CHN2: variants seen among roughly 807,000 people sequenced by gnomAD.
CHN2 encodes the protein beta-chimaerin.
In CHN2, 35 loss-of-function variants were observed where a neutral mutation model predicts 56.3. The observed-to-expected ratio is 0.62, with a 90% confidence interval of 0.47 to 0.82. CHN2 has a LOEUF of 0.82. Among genes scored for constraint, CHN2 ranks in the 40% least tolerant of loss-of-function variants. The pLI, the probability that CHN2 is intolerant of heterozygous loss-of-function variation, is 0.00. For missense variants in CHN2, 491 were observed against 580.5 expected (o/e 0.85, Z 1.58); for synonymous variants, 210 against 212.8 (o/e 0.99, Z 0.12).
chr7:29,510,363 C>T (rs1038406290), intron 12 of CHN2, among the ~76,000 whole-genome samples: 2 of 151,974 alleles, frequency 1.3e-5, no homozygotes, highest in African/African-American at 2.4e-5. Flanking sequence ...TGCTTGAACC[C>T]GGGAGACGAA....
intron 6 of CHN2, among the ~76,000 whole-genome samples, chr7:29,439,891 GTTA>G (rs1336278968): frequency 3.3e-5 from 5 of 152,160 alleles, no homozygotes; most frequent in Non-Finnish European, 7.3e-5. Flanking sequence ...ACTCTGTGGA[GTTA>G]TTATCTCCAT....
intron 1 of CHN2, among the ~76,000 whole-genome samples, chr7:29,303,811 G>C (rs1453873687): frequency 6.6e-6 from 1 of 152,212 alleles, no homozygotes; most frequent in East Asian, 1.9e-4. Flanking sequence ...TGTAATCCCA[G>C]CACTTTGGAA....
chr7:29,323,916 A>G (rs1213617732), intron 1 of CHN2, among the ~76,000 whole-genome samples: 1 of 152,096 alleles, frequency 6.6e-6, no homozygotes, highest in Non-Finnish European at 1.5e-5. Flanking sequence ...AGGCAGGAGA[A>G]TGGCGTGAAC....
At chr7:29,294,991 AC>A (rs1483180014) in intron 1 of CHN2, among the ~76,000 whole-genome samples, 6 of 151,924 alleles carry the variant, frequency 3.9e-5, no homozygotes, top group African/African-American at 1.5e-4. Flanking sequence ...GGTTCCCTGG[AC>A]CCCCCACAGA....
chr7:29,204,063 CTCTCTGTGTG>C lies in CHN2; in HGVS notation c.49+9075_49+9084del, dbSNP rs1269878108. Among the ~76,000 whole-genome samples the C allele has an allele frequency of 2.6e-3, 286 of 108,938 alleles. 3 individuals carry two copies. The highest frequency in any genetic ancestry group is 0.012 in the African/African-American group (273 of 23,316). 71.5% of individuals were successfully genotyped at this position (108,938 alleles called of 152,430 possible). On this transcript the variant is annotated intron_variant, in intron 1 of 12. Coordinates refer to ENST00000222792, the MANE Select transcript of CHN2 (RefSeq NM_004067.4). ...GGAAACAAAGCACACGTTTTTCTCT[CTCTCTGTGTG>C]TGTGTGTGTGTGTGTGTGTGTGTGT...
chr7:29,511,004 C>A (rs1244716452), intron 12 of CHN2, among the ~76,000 whole-genome samples: 1 of 152,126 alleles, frequency 6.6e-6, no homozygotes, highest in Non-Finnish European at 1.5e-5. Context: ...GGTGTTATAA[C>A]ATTGGAGGGA....
In CHN2 at chr7:29,507,256, T is replaced by C; in HGVS notation, c.1020T>C (p.Asn340=). 1 of 1,611,576 alleles carries C rather than the reference T, an allele frequency of 6.2e-7. No homozygotes were observed. Among genetic ancestry groups the C allele is most frequent in the Non-Finnish European group, 8.5e-7 (1 of 1,179,296 alleles). The change falls in exon 11 of 13, where the codon AAT becomes AAC. Residue 340 remains asparagine, a synonymous_variant. Transcript: ENST00000222792. ...RDGEKADISA[N]VYPDINIITG... ...GTGAAAAGGCCGATATATCTGCCAATGTCTATCCAGACATAAACATCATCA... is the reference window on the plus strand; with the variant it reads ...GTGAAAAGGCCGATATATCTGCCAACGTCTATCCAGACATAAACATCATCA...
intron 1 of CHN2, among the ~76,000 whole-genome samples, chr7:29,238,760 G>T (rs1353597319): frequency 6.6e-6 from 1 of 152,192 alleles, no homozygotes; most frequent in African/African-American, 2.4e-5. Flanking sequence ...TAAATGAGGG[G>T]ACTGGTTAGT....
chr7:29,213,022 A>G, intron 1 of CHN2: 2 of 1,609,080 alleles, frequency 1.2e-6, no homozygotes, highest in Admixed American at 1.7e-5. Flanking sequence ...TCCCTTCTAT[A>G]ACTGTGGAGA....
chr7:29,465,834 A>C (rs1785506562), intron 6 of CHN2, among the ~76,000 whole-genome samples: 2 of 152,206 alleles, frequency 1.3e-5, no homozygotes, highest in Non-Finnish European at 2.9e-5. Context: ...TTATTATAAG[A>C]CTGAAGTAAA....
chr7:29,418,236 G>A (rs117714815), intron 6 of CHN2, among the ~76,000 whole-genome samples: 51 of 152,350 alleles, frequency 3.3e-4, no homozygotes, highest in Non-Finnish European at 6.5e-4. Flanking sequence ...GAGTGGAAGT[G>A]GAGCTAACTA....
intron 9 of CHN2, among the ~76,000 whole-genome samples, chr7:29,502,799 G>A (rs1790118430): frequency 1.3e-5 from 2 of 151,908 alleles, no homozygotes; most frequent in South Asian, 2.1e-4. Flanking sequence ...TGTTAAATAG[G>A]TATACATGTG....
intron 1 of CHN2, among the ~76,000 whole-genome samples, chr7:29,345,730 T>C (rs879580808): frequency 6.6e-6 from 1 of 152,066 alleles, no homozygotes; most frequent in African/African-American, 2.4e-5. Context: ...ACCTGTTGAA[T>C]GGGAGAATCT....
In CHN2 at chr7:29,375,190, C is replaced by CTTTTTTTTTTTTTT. The variant is rs70980534; in HGVS notation, c.144+7218_144+7231dup. ...CAAGCATGAGCCACCGTGCTCGGCC[C>CTTTTTTTTTTTTTT]TTTTTTTTTTTTTTTTTTTTTTTTT... On this transcript the variant is annotated intron_variant, in intron 3 of 12. Transcript: ENST00000222792. Among the ~76,000 whole-genome samples, 3 of 77,908 alleles carry CTTTTTTTTTTTTTT rather than the reference C, an allele frequency of 3.9e-5. 1 individual carries two copies. The highest frequency in any genetic ancestry group is 6.9e-5 in the Non-Finnish European group (3 of 43,290). The allele number at this position is 77,908 out of a possible 152,430, so 51.1% of individuals were successfully genotyped here. A position where few individuals can be genotyped will look rare whatever the true frequency, so the allele number is the denominator to read the frequency against.
At chr7:29,354,826 C>T (rs1798160600) in intron 2 of CHN2, among the ~76,000 whole-genome samples, 163 bp downstream of exon 2, 1 of 152,072 alleles carries the variant, frequency 6.6e-6, no homozygotes, top group South Asian at 2.1e-4. Context: ...AGACGATTAA[C>T]AGAGCCCCCT....
chr7:29,288,344 C>T (rs1283758577), intron 1 of CHN2, among the ~76,000 whole-genome samples: 1 of 151,924 alleles, frequency 6.6e-6, no homozygotes, highest in Non-Finnish European at 1.5e-5. Flanking sequence ...TCTTAAGCAT[C>T]TTAAATAACA....
At chr7:29,175,357 G>A (rs987085747) in intron 2 of CHN2, among the ~76,000 whole-genome samples, 1 of 151,880 alleles carries the variant, frequency 6.6e-6, no homozygotes, top group African/African-American at 2.4e-5. Flanking sequence ...TGTATTTTCA[G>A]TAGAGAGGGG....
At chr7:29,469,979 A>G (rs936507419) in intron 6 of CHN2, among the ~76,000 whole-genome samples, 1 of 152,234 alleles carries the variant, frequency 6.6e-6, no homozygotes, top group Non-Finnish European at 1.5e-5. Context: ...GGAAGGAGCT[A>G]TGTTTGCAAC....
chr7:29,332,072 T>C lies in CHN2; in HGVS notation c.50-22553T>C, dbSNP rs562231698. On this transcript the variant is annotated intron_variant, in intron 1 of 12. Coordinates refer to ENST00000222792, the MANE Select transcript of CHN2 (RefSeq NM_004067.4). Reference sequence around the variant, plus strand: ...GGGTGAAGATTTGGCTTGTGTGATCTGAAAGAAAAAAGGCCAATATTCTAA... The same window carrying C: ...GGGTGAAGATTTGGCTTGTGTGATCCGAAAGAAAAAAGGCCAATATTCTAA... 2.0e-5 allele frequency among the ~76,000 whole-genome samples: 3 copies of C among 151,220 alleles called. No homozygotes were observed. The South Asian group carries it at 6.3e-4, about 32-fold the overall frequency.
Sources: allele counts gnomAD v4.1 joint callset (sites outside exome capture counted in the v4.1 genomes callset), GRCh38; gene constraint gnomAD v4.1.1; transcripts MANE v1.5; gene names NCBI Gene and HGNC (gene_info 2026-07-23, HGNC 2026-07-21).